SNX25: variants seen among roughly 807,000 people sequenced by gnomAD.
SNX25 encodes sorting nexin 25.
In SNX25, 62 loss-of-function variants were observed where a neutral mutation model predicts 113.7. The ratio of observed to expected loss-of-function variants is 0.55; its 90% CI spans 0.44 to 0.67. The LOEUF is 0.67. SNX25 is among the 30% of genes least tolerant of loss of function. The probability of loss-of-function intolerance (pLI) is 0.00; values close to 1 mark genes in which losing one functional copy is unlikely to be tolerated. For missense variants in SNX25, 1,014 were observed against 1,161.0 expected (o/e 0.87, Z 1.84); for synonymous variants, 421 against 436.2 (o/e 0.97, Z 0.43).
intron 1 of SNX25, among the ~76,000 whole-genome samples, chr4:185,246,206 AC>A (rs1744844231): frequency 6.6e-6 from 1 of 152,142 alleles, no homozygotes; most frequent in African/African-American, 2.4e-5. Context: ...AATCACTTGA[AC>A]CTGGGAGGCG....
intron 7 of SNX25, among the ~76,000 whole-genome samples, chr4:185,312,661 TAC>T (rs112326227): frequency 0.056 from 8,483 of 152,046 alleles, 274 homozygotes; most frequent in African/African-American, 0.068. Context: ...CAGCTGGGAC[TAC>T]AGACGCCCGC....
intron 1 of SNX25, among the ~76,000 whole-genome samples, chr4:185,238,909 T>C (rs1034068051): frequency 6.6e-6 from 1 of 152,198 alleles, no homozygotes; most frequent in Non-Finnish European, 1.5e-5. Flanking sequence ...AGTGTCCTAC[T>C]TAAAAACAGT....
chr4:185,374,501 T>C (rs2095426671), downstream of SNX25: 10 of 1,599,298 alleles, frequency 6.3e-6, no homozygotes, highest in East Asian at 2.0e-4. Flanking sequence ...TAGTTTTTAG[T>C]TTTACCCAAA....
In SNX25 at chr4:185,357,749, G is replaced by C. The variant is rs1449813830; in HGVS notation, c.2651+12G>C. On this transcript the variant is annotated intron_variant, in intron 16 of 18. Transcript: ENST00000652585. ...AGAACCATCAACAAGTGAGTTGTATGAAATTAATATTTGGATCCATGCCCT... is the reference window on the plus strand; with the variant it reads ...AGAACCATCAACAAGTGAGTTGTATCAAATTAATATTTGGATCCATGCCCT... The C allele has an allele frequency of 6.2e-7, 1 of 1,609,920 alleles. No homozygotes were observed. The highest frequency in any genetic ancestry group is 8.5e-7 in the Non-Finnish European group (1 of 1,176,408).
intron 1 of SNX25, among the ~76,000 whole-genome samples, chr4:185,229,919 C>T (rs534666594): frequency 6.6e-6 from 1 of 152,276 alleles, no homozygotes; most frequent in East Asian, 1.9e-4. Context: ...GCCTCGACTA[C>T]CTGGGCTCAG....
chr4:185,206,552 G>T (rs1031884110), upstream of SNX25, among the ~76,000 whole-genome samples: 2 of 151,656 alleles, frequency 1.3e-5, no homozygotes, highest in Non-Finnish European at 2.9e-5. Flanking sequence ...CCAGCTACTC[G>T]GGAGGCTGAG....
chr4:185,327,258 T>A (rs767919089), intron 9 of SNX25, among the ~76,000 whole-genome samples: 9 of 152,226 alleles, frequency 5.9e-5, no homozygotes, highest in Admixed American at 2.0e-4. Flanking sequence ...AGGTCTGACT[T>A]ACTCCAGCAT....
At chr4:185,316,632 A>C (rs1561004483) in intron 7 of SNX25, among the ~76,000 whole-genome samples, 1 of 152,204 alleles carries the variant, frequency 6.6e-6, no homozygotes, top group Non-Finnish European at 1.5e-5. Context: ...AGTGGCAATA[A>C]ATGGCAGATC....
At chr4:185,207,320 C>T (rs545767996), upstream of SNX25, among the ~76,000 whole-genome samples, 16 of 150,610 alleles carry the variant, frequency 1.1e-4, no homozygotes, top group South Asian at 3.1e-3. Context: ...AGGTTCACAC[C>T]GTTCTCCTGC....
At chr4:185,272,623 G>A (rs1444081363) in intron 5 of SNX25, among the ~76,000 whole-genome samples, 6 of 152,282 alleles carry the variant, frequency 3.9e-5, no homozygotes, top group Non-Finnish European at 7.3e-5. Flanking sequence ...CCTGGTGATC[G>A]TAACGTGCAA....
chr4:185,206,929 G>C (rs1450521722), upstream of SNX25, among the ~76,000 whole-genome samples: 1 of 152,162 alleles, frequency 6.6e-6, no homozygotes, highest in Admixed American at 6.5e-5. Context: ...AACCCAGGAG[G>C]CTGCTAGTGT....
intron 8 of SNX25, 89 bp from the exon 9 acceptor site, chr4:185,323,439 T>G: frequency 1.5e-6 from 2 of 1,328,126 alleles, no homozygotes; most frequent in Non-Finnish European, 2.1e-6. Context: ...ATGTCTTTCT[T>G]CTGACTTTCA....
At chr4:185,356,071 G>A (rs979116504) in intron 15 of SNX25, among the ~76,000 whole-genome samples, 3 of 152,142 alleles carry the variant, frequency 2.0e-5, no homozygotes, top group African/African-American at 4.8e-5. Context: ...TCTATTCGTC[G>A]TCAGCAGAAT....
At chr4:185,311,394 C>T (rs183814945) in intron 7 of SNX25, among the ~76,000 whole-genome samples, 7 of 152,282 alleles carry the variant, frequency 4.6e-5, no homozygotes, top group Non-Finnish European at 1.0e-4. Flanking sequence ...TGTAAAACTT[C>T]AGACTGTCTG....
In SNX25 at chr4:185,271,810, C is replaced by T. The variant is rs559166587; in HGVS notation, c.1091+4655C>T. Among the ~76,000 whole-genome samples the T allele has an allele frequency of 3.9e-5, 6 of 152,248 alleles. No individual in the cohort carries two copies. The East Asian group carries it at 7.7e-4, about 20-fold the overall frequency. ...ATGAAGTCATTCAACTCTGTTAGGGCGGAATGCGCTAAAAACAAACACAAA... is the reference window on the plus strand; with the variant it reads ...ATGAAGTCATTCAACTCTGTTAGGGTGGAATGCGCTAAAAACAAACACAAA... On this transcript the variant is annotated intron_variant, in intron 5 of 18. Coordinates refer to ENST00000652585, the MANE Select transcript of SNX25 (RefSeq NM_001378034.2).
chr4:185,330,442 G>A (rs2095186335), intron 9 of SNX25, among the ~76,000 whole-genome samples: 2 of 152,186 alleles, frequency 1.3e-5, no homozygotes, highest in African/African-American at 2.4e-5. Context: ...TTGGTCAAGG[G>A]AAACTTTAAA....
chr4:185,351,604 CAGG>C lies in SNX25; in HGVS notation c.2465_2466+1del. ...ACTTCCTCGCGACTTCTTCTCCCAC[CAGG>C]AGGTGAGCCGTTGAAAGAGTGAACC... On this transcript the variant is annotated inframe_deletion and splice_region_variant, in exon 14 of 19. Transcript: ENST00000652585. 1 of 1,613,786 alleles carries C rather than the reference CAGG, an allele frequency of 6.2e-7. No homozygotes were observed. The highest frequency in any genetic ancestry group is 8.5e-7 in the Non-Finnish European group (1 of 1,179,874).
At chr4:185,212,568 A>G (rs1738120696) in intron 1 of SNX25, among the ~76,000 whole-genome samples, 1 of 141,616 alleles carries the variant, frequency 7.1e-6, no homozygotes, top group African/African-American at 2.6e-5. Flanking sequence ...TTTTGTAGAG[A>G]CAGGGTCCTC....
chr4:185,323,692 A>C lies in SNX25; in HGVS notation c.1641A>C (p.Leu547=). ...YKIQEDVYET[L]KDRYYPSFIV... is the part of the protein sequence containing the mutation. ...TCCAGGAAGATGTTTATGAGACCCTAAAGGATAGGTATTACCCTTCATTTA... is the reference window on the plus strand; with the variant it reads ...TCCAGGAAGATGTTTATGAGACCCTCAAGGATAGGTATTACCCTTCATTTA... The change falls in exon 9 of 19, where the codon CTA becomes CTC. Residue 547 remains leucine (L), a synonymous_variant. Transcript: ENST00000652585. 1 of 1,613,696 alleles carries C rather than the reference A, an allele frequency of 6.2e-7. No individual in the cohort carries two copies. Among genetic ancestry groups the C allele is most frequent in the Non-Finnish European group, 8.5e-7 (1 of 1,179,734 alleles).
Sources: allele counts gnomAD v4.1 joint callset (sites outside exome capture counted in the v4.1 genomes callset), GRCh38; gene constraint gnomAD v4.1.1; transcripts MANE v1.5; gene names NCBI Gene and HGNC (gene_info 2026-07-23, HGNC 2026-07-21).